Variants in BAALC observed in about 807,000 individuals in gnomAD.
BAALC encodes brain and acute leukemia cytoplasmic protein.
BAALC carries 9 observed loss-of-function variants against 15.5 expected under a neutral mutation model. The ratio of observed to expected loss-of-function variants is 0.58; its 90% CI spans 0.35 to 1.02. The LOEUF is 1.02. Ranked by LOEUF, BAALC falls within the 50% of genes least tolerant of loss-of-function variation. The pLI is 0.02. For missense variants in BAALC, 201 were observed against 192.4 expected (o/e 1.04, Z -0.27); for synonymous variants, 80 against 74.6 (o/e 1.07, Z -0.37).
At chr8:103,177,995 A>G (rs1237628908) in intron 1 of BAALC, among the ~76,000 whole-genome samples, 1 of 152,220 alleles carries the variant, frequency 6.6e-6, no homozygotes, top group African/African-American at 2.4e-5. Flanking sequence ...TAGCATGTAG[A>G]GTGATGGTTT....
chr8:103,227,865 C>G, intron 2 of BAALC, 124 bp from the exon 3 acceptor site: 1 of 663,810 alleles, frequency 1.5e-6, no homozygotes, highest in Non-Finnish European at 2.6e-6. Flanking sequence ...GATTTATGTT[C>G]CTTTTTCCCA....
chr8:103,141,068 G>A lies in BAALC; in HGVS notation c.160+11G>A. 2 of 1,475,162 alleles carry A rather than the reference G, an allele frequency of 1.4e-6. No homozygotes were observed. Among genetic ancestry groups the A allele is most frequent in the Non-Finnish European group, 1.8e-6 (2 of 1,114,430 alleles). 91.4% of individuals were successfully genotyped at this position (1,475,162 alleles called of 1,614,324 possible). A position where few individuals can be genotyped will look rare whatever the true frequency, so the allele number is the denominator to read the frequency against. On this transcript the variant is annotated intron_variant, in intron 1 of 2. Transcript: ENST00000309982. Reference sequence around the variant, plus strand: ...GCGGCCTGCACTCGGGTAAGTGGCCGGGCCCCTGCAGACCCTCGCCCGCCC... The same window carrying A: ...GCGGCCTGCACTCGGGTAAGTGGCCAGGCCCCTGCAGACCCTCGCCCGCCC...
intron 1 of BAALC, among the ~76,000 whole-genome samples, chr8:103,208,845 G>T (rs1812387347): frequency 6.6e-6 from 1 of 152,074 alleles, no homozygotes; most frequent in South Asian, 2.1e-4. Flanking sequence ...GGATTGCATT[G>T]GGAGAAGGGA....
At chr8:103,224,779 A>G (rs1045922658) in intron 2 of BAALC, among the ~76,000 whole-genome samples, 10 of 152,210 alleles carry the variant, frequency 6.6e-5, no homozygotes, top group Non-Finnish European at 1.2e-4. Flanking sequence ...AATATGGCAG[A>G]AAAATGTTTT....
intron 1 of BAALC, among the ~76,000 whole-genome samples, chr8:103,188,011 A>T (rs1362462972): frequency 6.6e-6 from 1 of 152,176 alleles, no homozygotes; most frequent in Non-Finnish European, 1.5e-5. Flanking sequence ...TTAACAAAGA[A>T]TTTGTTAATT....
chr8:103,176,398 G>A (rs551382074), intron 1 of BAALC, among the ~76,000 whole-genome samples: 1 of 152,144 alleles, frequency 6.6e-6, no homozygotes, highest in Admixed American at 6.5e-5. Flanking sequence ...AAGCCTAGGT[G>A]CAGGGTAATA....
At chr8:103,174,580 T>C (rs935473462) in intron 1 of BAALC, among the ~76,000 whole-genome samples, 22 of 152,280 alleles carry the variant, frequency 1.4e-4, no homozygotes, top group African/African-American at 5.1e-4. Flanking sequence ...TGGAAATAGA[T>C]CATAGGCAAA....
intron 2 of BAALC, among the ~76,000 whole-genome samples, chr8:103,217,052 A>G (rs1812573380): frequency 6.6e-6 from 1 of 152,192 alleles, no homozygotes; most frequent in South Asian, 2.1e-4. Flanking sequence ...ACTGTCACAG[A>G]GGAGTGATGA....
intron 1 of BAALC, among the ~76,000 whole-genome samples, chr8:103,182,285 T>G (rs1811745926): frequency 6.6e-6 from 1 of 152,244 alleles, no homozygotes; most frequent in East Asian, 1.9e-4. Flanking sequence ...TTTGGGCTTT[T>G]GAACATTTAC....
intron 2 of BAALC, among the ~76,000 whole-genome samples, chr8:103,214,726 C>T (rs1187961088): frequency 2.0e-5 from 3 of 152,194 alleles, no homozygotes; most frequent in African/African-American, 7.2e-5. Context: ...TGAGCCTCCT[C>T]TTATAAACTA....
At chr8:103,198,059 C>G (rs771423249) in intron 1 of BAALC, 45 of 688,080 alleles carry the variant, frequency 6.5e-5, no homozygotes, top group South Asian at 6.2e-4. Context: ...CAGTTTCTTA[C>G]GAACAACTAT....
chr8:103,216,153 C>T (rs747398438), intron 2 of BAALC, among the ~76,000 whole-genome samples: 5 of 152,172 alleles, frequency 3.3e-5, no homozygotes, highest in Non-Finnish European at 5.9e-5. Context: ...GAATACACTG[C>T]AATTTACCCA....
chr8:103,186,469 C>T (rs1331749315), intron 1 of BAALC, among the ~76,000 whole-genome samples: 1 of 152,146 alleles, frequency 6.6e-6, no homozygotes, highest in African/African-American at 2.4e-5. Flanking sequence ...CATAAAAGCG[C>T]CAATAAAATG....
chr8:103,145,456 G>A (rs961170761), intron 1 of BAALC, among the ~76,000 whole-genome samples: 2 of 152,078 alleles, frequency 1.3e-5, no homozygotes, highest in African/African-American at 2.4e-5. Context: ...TACACTACTC[G>A]GTTTGTCAAA....
At chr8:103,202,052 A>T (rs1812228560) in intron 1 of BAALC, among the ~76,000 whole-genome samples, 1 of 152,226 alleles carries the variant, frequency 6.6e-6, no homozygotes, top group Non-Finnish European at 1.5e-5. Context: ...CTGGTAGATA[A>T]GATTATGAGT....
chr8:103,216,272 T>A (rs1470164571), intron 2 of BAALC, among the ~76,000 whole-genome samples: 1 of 152,230 alleles, frequency 6.6e-6, no homozygotes, highest in Non-Finnish European at 1.5e-5. Context: ...TTTGGGAATA[T>A]ACCTAGGAGT....
At chr8:103,177,631 T>C (rs1326337073) in intron 1 of BAALC, among the ~76,000 whole-genome samples, 1 of 152,154 alleles carries the variant, frequency 6.6e-6, no homozygotes, top group Non-Finnish European at 1.5e-5. Context: ...TCACAGTAAA[T>C]AGGGCAAGGT....
At chr8:103,191,494 CAAAG>C (rs1229406816) in intron 1 of BAALC, 2 of 152,062 alleles carry the variant, frequency 1.3e-5, no homozygotes, top group African/African-American at 2.4e-5. Flanking sequence ...GAAATGGAAA[CAAAG>C]AAATATCAGT....
intron 2 of BAALC, among the ~76,000 whole-genome samples, chr8:103,216,701 C>T (rs1201410041): frequency 2.6e-5 from 4 of 152,166 alleles, no homozygotes; most frequent in East Asian, 3.8e-4. Context: ...GTCTCAAACT[C>T]CTGAGCTCAA....
Sources: gnomAD v4.1 joint callset for allele counts (sites outside exome capture counted in the v4.1 genomes callset) on GRCh38, gnomAD v4.1.1 for gene constraint, MANE v1.5 for transcripts, NCBI Gene and HGNC (gene_info 2026-07-23, HGNC 2026-07-21) for gene names.